Variants in ESR1 observed in about 807,000 individuals in gnomAD.
The protein encoded by ESR1 is estrogen receptor.
ESR1 carries 12 observed loss-of-function variants against 52.7 expected under a neutral mutation model. The observed-to-expected ratio is 0.23, with a 90% confidence interval of 0.15 to 0.37. The LOEUF (loss-of-function observed/expected upper bound fraction) is 0.37. ESR1 is among the 10% of genes least tolerant of loss of function. ESR1 has a pLI of 1.00. For missense variants in ESR1, 584 were observed against 779.7 expected (o/e 0.75, Z 2.99); for synonymous variants, 305 against 316.8 (o/e 0.96, Z 0.39).
chr6:152,126,093 A>G (rs926552755), exon 7 of ESR1: 1 of 152,204 alleles, frequency 6.6e-6, no homozygotes, highest in Non-Finnish European at 1.5e-5. Flanking sequence ...TTAAAATTTA[A>G]TTTGTGCATG....
rs141767970 is a variant in ESR1 at position 151,773,877 on chromosome 6, G to A, written c.-70-33966G>A. Among the ~76,000 whole-genome samples, 227 of 152,330 alleles carry A rather than the reference G, an allele frequency of 1.5e-3. 2 individuals are homozygous for A. Among genetic ancestry groups the A allele is most frequent in the Non-Finnish European group, 2.1e-3 (144 of 68,044 alleles). The stretch of plus-strand genomic sequence containing the variant: ...TTGATTCCTAGGTCAATGTCTGTGG[G>A]TGAATTTCTCTTTGAATTGTTATCA... On this transcript the variant is annotated intron_variant, in intron 2 of 2. Transcript: ENST00000404742.
intron 6 of ESR1, chr6:152,118,359 G>GC (rs1414932713): frequency 6.6e-6 from 1 of 152,056 alleles, no homozygotes; most frequent in Non-Finnish European, 1.5e-5. Flanking sequence ...CCACCCAAAT[G>GC]CCCATCAATG....
upstream of ESR1, among the ~76,000 whole-genome samples, chr6:151,801,293 C>T (rs891165831): frequency 6.6e-6 from 1 of 152,138 alleles, no homozygotes; most frequent in Non-Finnish European, 1.5e-5. Context: ...AGTGAAAGTA[C>T]TTTCTACATT....
chr6:151,915,810 C>G (rs2029956456), intron 3 of ESR1, among the ~76,000 whole-genome samples: 1 of 152,048 alleles, frequency 6.6e-6, no homozygotes, highest in Admixed American at 6.6e-5. Context: ...TCACTGACAT[C>G]AGCCTTTGCA....
chr6:152,123,646 T>C (rs1377648031), intron 6 of ESR1, among the ~76,000 whole-genome samples: 1 of 152,182 alleles, frequency 6.6e-6, no homozygotes, highest in East Asian at 1.9e-4. Flanking sequence ...AGAAATGTTG[T>C]TTACGACAGG....
chr6:151,849,984 A>ATATATATATATATAATTTTG (rs1786022991), intron 2 of ESR1, among the ~76,000 whole-genome samples: 1 of 7,204 alleles, frequency 1.4e-4, no homozygotes, highest in African/African-American at 3.1e-4. Flanking sequence ...GGAATTATAT[A>ATATATATATATATAATTTTG]TATATATATA....
intron 2 of ESR1, among the ~76,000 whole-genome samples, chr6:151,740,348 C>T (rs186715558): frequency 7.3e-6 from 1 of 137,008 alleles, no homozygotes; most frequent in South Asian, 2.3e-4. Flanking sequence ...GGTGGCCAGG[C>T]TGGTCTCAAA....
At chr6:151,993,782 G>A (rs954568527) in intron 4 of ESR1, among the ~76,000 whole-genome samples, 1 of 152,220 alleles carries the variant, frequency 6.6e-6, no homozygotes, top group Non-Finnish European at 1.5e-5. Context: ...AAGGTTGAGT[G>A]TCTTGCCCAA....
intron 2 of ESR1, among the ~76,000 whole-genome samples, chr6:151,710,585 T>G (rs1780526212): frequency 6.6e-6 from 1 of 152,144 alleles, no homozygotes; most frequent in Non-Finnish European, 1.5e-5. Flanking sequence ...TTTTTTTTAT[T>G]ATTACACTTT....
At chr6:151,874,257 C>A (rs1479721245) in intron 2 of ESR1, among the ~76,000 whole-genome samples, 1 of 152,092 alleles carries the variant, frequency 6.6e-6, no homozygotes, top group Middle Eastern at 3.2e-3. Flanking sequence ...ATGAAAGTCT[C>A]CTTGACTTTA....
chr6:151,747,178 T>C (rs1371362033), intron 2 of ESR1, among the ~76,000 whole-genome samples: 4 of 152,216 alleles, frequency 2.6e-5, no homozygotes, highest in Admixed American at 6.5e-5. Flanking sequence ...AGTTCATAAA[T>C]TGAAGATGTG....
At chr6:151,999,573 G>A (rs1381793677) in intron 4 of ESR1, among the ~76,000 whole-genome samples, 1 of 152,108 alleles carries the variant, frequency 6.6e-6, no homozygotes, top group East Asian at 1.9e-4. Flanking sequence ...CAGGAGATGG[G>A]GAAAGAGATA....
chr6:152,035,515 G>A (rs1481887420), intron 5 of ESR1, among the ~76,000 whole-genome samples: 1 of 151,870 alleles, frequency 6.6e-6, no homozygotes, highest in Non-Finnish European at 1.5e-5. Flanking sequence ...TTGACAAATC[G>A]GTCTATAAAT....
intron 2 of ESR1, among the ~76,000 whole-genome samples, chr6:151,760,870 A>C (rs1458753884): frequency 6.6e-6 from 1 of 152,252 alleles, no homozygotes; most frequent in African/African-American, 2.4e-5. Context: ...TAATGGATCG[A>C]TTAAAGTTTC....
At chr6:151,868,856 T>TG (rs1171578269) in intron 2 of ESR1, among the ~76,000 whole-genome samples, 2 of 152,134 alleles carry the variant, frequency 1.3e-5, no homozygotes, top group African/African-American at 4.8e-5. Context: ...GAAGTTAATT[T>TG]GGGGGGACTC....
intron 2 of ESR1, among the ~76,000 whole-genome samples, chr6:151,843,140 C>A (rs1784556623): frequency 6.6e-6 from 1 of 152,158 alleles, no homozygotes; most frequent in Admixed American, 6.5e-5. Context: ...GTTTGGTAGG[C>A]AACTTTGCCT....
chr6:151,985,752 C>T (rs1261676530), intron 4 of ESR1, among the ~76,000 whole-genome samples: 1 of 151,998 alleles, frequency 6.6e-6, no homozygotes, highest in Non-Finnish European at 1.5e-5. Flanking sequence ...ACTGCAACCT[C>T]CGCCTCCTGC....
upstream of ESR1, among the ~76,000 whole-genome samples, chr6:151,689,578 G>A (rs1243604457): frequency 6.6e-6 from 1 of 152,146 alleles, no homozygotes; most frequent in East Asian, 1.9e-4. Context: ...TTAAAGTGTT[G>A]ATTATTTATT....
At chr6:152,114,227 T>C (rs2051180728) in intron 6 of ESR1, among the ~76,000 whole-genome samples, 1 of 152,196 alleles carries the variant, frequency 6.6e-6, no homozygotes, top group African/African-American at 2.4e-5. Context: ...AGAAGCTGCC[T>C]ATGACTTTCG....
Sources: allele counts gnomAD v4.1 joint callset (sites outside exome capture counted in the v4.1 genomes callset), GRCh38; gene constraint gnomAD v4.1.1; transcripts MANE v1.5; gene names NCBI Gene and HGNC (gene_info 2026-07-23, HGNC 2026-07-21).